PIK3C3: variants seen among roughly 807,000 people sequenced by gnomAD.
The protein encoded by PIK3C3 is PI3-kinase type 3.
PIK3C3 carries 95 observed loss-of-function variants against 126.1 expected under a neutral mutation model. The ratio of observed to expected loss-of-function variants is 0.75; its 90% CI spans 0.64 to 0.89. The LOEUF is 0.89. PIK3C3 is among the 40% of genes least tolerant of loss of function. The pLI, the probability that PIK3C3 is intolerant of heterozygous loss-of-function variation, is 0.00. For missense variants in PIK3C3, 829 were observed against 1,063.2 expected (o/e 0.78, Z 3.06); for synonymous variants, 374 against 360.0 (o/e 1.04, Z -0.44).
intron 23 of PIK3C3, among the ~76,000 whole-genome samples, chr18:42,065,204 T>G (rs1985485483): frequency 6.6e-6 from 1 of 152,232 alleles, no homozygotes; most frequent in African/African-American, 2.4e-5. Context: ...TATCTCTCTT[T>G]TTTTTAATAA....
At chr18:42,073,431 A>G (rs1272505286) in intron 24 of PIK3C3, among the ~76,000 whole-genome samples, 1 of 152,196 alleles carries the variant, frequency 6.6e-6, no homozygotes, top group African/African-American at 2.4e-5. Context: ...AATTTCCCCT[A>G]AAGAATACCT....
At chr18:42,074,804 C>T (rs977727983) in intron 24 of PIK3C3, among the ~76,000 whole-genome samples, 5 of 152,038 alleles carry the variant, frequency 3.3e-5, no homozygotes, top group Admixed American at 3.3e-4. Context: ...TGACCACTAA[C>T]ACTGAATTCC....
rs1986312460 is a variant in PIK3C3 at position 42,083,268 on chromosome 18, T to C, written c.*2131T>C. 1 of 152,220 alleles carries C rather than the reference T, an allele frequency of 6.6e-6. No individual in the cohort carries two copies. The highest frequency in any genetic ancestry group is 1.5e-5 in the Non-Finnish European group (1 of 68,036). 9.4% of individuals were successfully genotyped at this position (152,220 alleles called of 1,614,324 possible). ...GAGTGTAGTCTGCATATTTCTTTAT[T>C]ATCATTGCCATGTGACTTCTTTGGT... is the stretch of plus-strand genomic sequence containing the variant. On this transcript the variant is annotated 3_prime_UTR_variant, in exon 25 of 25. Transcript: ENST00000262039.
rs1420347184 is a variant in PIK3C3, at chr18:42,081,924, A to C, written c.*787A>C. ...CAATGTAAATTGTCTTTCTGCAATA[A>C]ATTTTTTGGATGCAAATTTAGATTT... On this transcript the variant is annotated 3_prime_UTR_variant, in exon 25 of 25. Transcript: ENST00000262039. 6.6e-6 allele frequency: 1 copy of C among 152,156 alleles called. No individual in the cohort carries two copies. The highest frequency in any genetic ancestry group is 2.4e-5 in the African/African-American group (1 of 41,446). 9.4% of individuals were successfully genotyped at this position (152,156 alleles called of 1,614,324 possible).
chr18:41,957,004 A>G (rs925870300), intron 1 of PIK3C3, among the ~76,000 whole-genome samples: 7 of 152,228 alleles, frequency 4.6e-5, no homozygotes, highest in African/African-American at 1.7e-4. Flanking sequence ...GTTTTAAAGA[A>G]ATGATCAGAC....
chr18:42,033,653 T>C (rs1319195699), intron 15 of PIK3C3, among the ~76,000 whole-genome samples, 173 bp from the exon 16 acceptor site: 1 of 152,218 alleles, frequency 6.6e-6, no homozygotes, highest in African/African-American at 2.4e-5. Context: ...GCTGCTGTTG[T>C]TAGGGATTAT....
chr18:41,988,122 G>A (rs1201476888), intron 5 of PIK3C3, among the ~76,000 whole-genome samples: 1 of 148,064 alleles, frequency 6.8e-6, no homozygotes, highest in African/African-American at 2.7e-5. Context: ...ATTCAAAGAT[G>A]TTCTAAATAT....
chr18:42,063,648 T>C (rs901585971), intron 22 of PIK3C3, among the ~76,000 whole-genome samples: 6 of 152,210 alleles, frequency 3.9e-5, no homozygotes, highest in Non-Finnish European at 7.3e-5. Context: ...TTGAAACTTA[T>C]ATGGATAGTC....
intron 24 of PIK3C3, among the ~76,000 whole-genome samples, chr18:42,079,300 T>C (rs867322513): frequency 6.6e-6 from 1 of 152,190 alleles, no homozygotes; most frequent in Non-Finnish European, 1.5e-5. Context: ...GATAGGGGAA[T>C]GGCCAGTTGG....
At position 42,010,700 on chromosome 18, in the gene PIK3C3, C is replaced by T. The variant is rs576574731; in HGVS notation, c.1171-2742C>T. 2.0e-5 allele frequency among the ~76,000 whole-genome samples: 3 copies of T among 152,240 alleles called. No individual in the cohort carries two copies. In the South Asian group the frequency reaches 6.2e-4, roughly 32 times the overall value. On this transcript the variant is annotated intron_variant, in intron 10 of 24. Coordinates refer to ENST00000262039, the MANE Select transcript of PIK3C3 (RefSeq NM_002647.4). ...CAAGAAAGTTAGAATCAACTTCTTCCAAACTCCTGTTAATCTTGCTATTTT... is the reference window on the plus strand; with the variant it reads ...CAAGAAAGTTAGAATCAACTTCTTCTAAACTCCTGTTAATCTTGCTATTTT...
chr18:42,027,237 ACT>A (rs1201751243), intron 13 of PIK3C3: 3 of 282,558 alleles, frequency 1.1e-5, no homozygotes, highest in African/African-American at 6.6e-5. Context: ...AGGCATTACC[ACT>A]CTTAGTTTAC....
At chr18:41,985,599 C>T (rs1568122338) in intron 4 of PIK3C3, among the ~76,000 whole-genome samples, 1 of 152,118 alleles carries the variant, frequency 6.6e-6, no homozygotes, top group Non-Finnish European at 1.5e-5. Context: ...ACAGTTCTCA[C>T]TATTGATGAA....
At chr18:42,075,106 C>T (rs1424103591) in intron 24 of PIK3C3, among the ~76,000 whole-genome samples, 1 of 152,054 alleles carries the variant, frequency 6.6e-6, no homozygotes, top group Non-Finnish European at 1.5e-5. Flanking sequence ...TTGTTTGGAA[C>T]ATCAGGTTTT....
chr18:42,053,355 G>A (rs1407504252), intron 21 of PIK3C3, among the ~76,000 whole-genome samples: 2 of 152,126 alleles, frequency 1.3e-5, no homozygotes, highest in African/African-American at 4.8e-5. Flanking sequence ...CTTGGTTGAA[G>A]TTTACTCAGC....
At position 41,987,796 on chromosome 18, in the gene PIK3C3, T is replaced by C; in HGVS notation, c.532-16T>C. ...AGATGTATATTAAAATTTTCGTCAT[T>C]GTATTTATTCTGCAGCTCACCAAAG... On this transcript the variant is annotated splice_polypyrimidine_tract_variant and intron_variant, in intron 4 of 24. Transcript: ENST00000262039. The C allele has an allele frequency of 3.8e-6, 6 of 1,586,384 alleles. No individual in the cohort carries two copies. Among genetic ancestry groups the C allele is most frequent in the Non-Finnish European group, 5.2e-6 (6 of 1,160,406 alleles).
intron 3 of PIK3C3, 109 bp downstream of exon 3, chr18:41,962,741 C>A (rs1980160755): frequency 3.2e-6 from 3 of 942,910 alleles, no homozygotes; most frequent in Non-Finnish European, 3.1e-6. Flanking sequence ...CCAGTGTAAA[C>A]CAGTTAGGTA....
chr18:41,980,322 G>A (rs534094351), intron 4 of PIK3C3, among the ~76,000 whole-genome samples: 5 of 152,048 alleles, frequency 3.3e-5, no homozygotes, highest in African/African-American at 4.8e-5. Context: ...AATGATTTAG[G>A]TTATAGCTCA....
At position 41,970,366 on chromosome 18, in the gene PIK3C3, T is replaced by A. The variant is rs370770398; in HGVS notation, c.441T>A (p.Pro147=). The A allele has an allele frequency of 8.7e-6, 14 of 1,613,318 alleles. No homozygotes were observed. In the African/African-American group the frequency reaches 1.9e-4, roughly 22 times the overall value. ...GGATGCATGACTTGAAAGTCTGGCC[T>A]AATGTAGAAGCAGATGGATCAGAAC... ...RQGMHDLKVW[P]NVEADGSEPT... The change falls in exon 4 of 25, where the codon CCT becomes CCA. Residue 147 remains proline, a synonymous_variant. Transcript: ENST00000262039.
chr18:42,076,113 TATATATATGCGC>T (rs1355683312), intron 24 of PIK3C3, among the ~76,000 whole-genome samples: 14 of 77,656 alleles, frequency 1.8e-4, no homozygotes, highest in African/African-American at 4.0e-4. Flanking sequence ...TATATATATA[TATATATATGCGC>T]ATATATATAT....
Sources: allele counts gnomAD v4.1 joint callset (sites outside exome capture counted in the v4.1 genomes callset), GRCh38; gene constraint gnomAD v4.1.1; transcripts MANE v1.5; gene names NCBI Gene and HGNC (gene_info 2026-07-23, HGNC 2026-07-21).